Variants in ADAM2 observed in about 807,000 individuals in gnomAD.
ADAM2 encodes the protein disintegrin and metalloproteinase domain-containing protein 2.
In ADAM2, 101 loss-of-function variants were observed where a neutral mutation model predicts 99.3. That is an observed-to-expected ratio of 1.02 (90% CI 0.87 to 1.20). The LOEUF is 1.20. Ranked by LOEUF, ADAM2 falls within the 50% of genes most tolerant of loss-of-function variation. ADAM2 has a pLI of 0.00. For synonymous variants in ADAM2, 323 were observed against 287.6 expected, an observed-to-expected ratio of 1.12 and a Z score of -1.25; for missense variants, 948 against 878.7, an observed-to-expected ratio of 1.08 and a Z score of -1.00.
At chr8:39,785,070 A>T (rs1803405409) in intron 10 of ADAM2, among the ~76,000 whole-genome samples, 1 of 152,116 alleles carries the variant, frequency 6.6e-6, no homozygotes, top group East Asian at 1.9e-4. Flanking sequence ...CTCACTTGTA[A>T]ATTTTTGCTT....
At chr8:39,834,585 A>G (rs2129589451) in intron 2 of ADAM2, among the ~76,000 whole-genome samples, 1 of 152,054 alleles carries the variant, frequency 6.6e-6, no homozygotes, top group South Asian at 2.1e-4. Flanking sequence ...GATGCAAAAA[A>G]TTAGCCGGGC....
chr8:39,745,786 G>A (rs943808064), intron 19 of ADAM2, among the ~76,000 whole-genome samples: 1 of 151,786 alleles, frequency 6.6e-6, no homozygotes, highest in East Asian at 1.9e-4. Context: ...CTAAGATATA[G>A]AAATATTACA....
intron 11 of ADAM2, among the ~76,000 whole-genome samples, chr8:39,773,261 A>G (rs1382141820): frequency 2.0e-5 from 3 of 151,866 alleles, no homozygotes; most frequent in Non-Finnish European, 4.4e-5. Context: ...AAGTATCAAA[A>G]ACGTGTGGTG....
chr8:39,813,111 A>G (rs981515495), intron 6 of ADAM2, among the ~76,000 whole-genome samples: 1 of 152,234 alleles, frequency 6.6e-6, no homozygotes, highest in Non-Finnish European at 1.5e-5. Context: ...TGGGTGAAGG[A>G]TATGAACAGA....
rs115541841 is a variant in ADAM2 at position 39,815,743 on chromosome 8, A to G, written c.513+5259T>C. Among the ~76,000 whole-genome samples, 438 of 152,286 alleles carry G rather than the reference A, an allele frequency of 2.9e-3. 1 individual carries two copies. The highest frequency in any genetic ancestry group is 0.01 in the African/African-American group (418 of 41,564). ...GAATATTTAAATGATAATAATTTTT[A>G]TTTCCAAAAGTGAGGACAGCATAAA... is the stretch of plus-strand genomic sequence containing the variant. On this transcript the variant is annotated intron_variant, in intron 6 of 20. Transcript: ENST00000265708.
chr8:39,797,197 C>T (rs2129586103), intron 7 of ADAM2, among the ~76,000 whole-genome samples: 1 of 152,270 alleles, frequency 6.6e-6, no homozygotes, highest in East Asian at 1.9e-4. Flanking sequence ...ACATTTAAGT[C>T]TTTAATCCAC....
intron 20 of ADAM2, 88 bp from the exon 21 acceptor site, chr8:39,744,152 A>C (rs1330177916): frequency 6.6e-6 from 1 of 152,156 alleles, no homozygotes; most frequent in Non-Finnish European, 1.5e-5. Context: ...CCTTATTGCA[A>C]AGTAGACTTA....
chr8:39,768,113 G>A (rs1005779197), intron 12 of ADAM2, among the ~76,000 whole-genome samples: 4 of 152,054 alleles, frequency 2.6e-5, no homozygotes, highest in African/African-American at 9.7e-5. Context: ...GCTATCTACT[G>A]TAATTCTAGA....
chr8:39,809,430 C>A lies in ADAM2; in HGVS notation c.550G>T (p.Val184Phe). The A allele has an allele frequency of 7.2e-7, 1 of 1,393,450 alleles. No individual in the cohort carries two copies. The highest frequency in any genetic ancestry group is 1.0e-6 in the Non-Finnish European group (1 of 994,660). 86.3% of individuals were successfully genotyped at this position (1,393,450 alleles called of 1,614,324 possible). A position where few individuals can be genotyped will look rare whatever the true frequency, so the allele number is the denominator to read the frequency against. The change falls in exon 7 of 21, where the codon GTT becomes TTT. Residue 184 changes from valine to phenylalanine, a missense_variant. Val to Phe is a conservative substitution (Grantham distance 50). Transcript: ENST00000265708. ...QDFAKYIEMH[V>F]IVEKQLYNHM... ...CTTACCAATTGTTTTTCAACTATAA[C>A]ATGCATTTCTATATACTTTGCAAAA...
chr8:39,803,960 G>A (rs976560966), intron 7 of ADAM2, among the ~76,000 whole-genome samples: 1 of 152,196 alleles, frequency 6.6e-6, no homozygotes, highest in Non-Finnish European at 1.5e-5. Context: ...ACATCCTTAA[G>A]GAGCTGAGTG....
At chr8:39,796,130 GTA>G (rs1803931332) in intron 7 of ADAM2, among the ~76,000 whole-genome samples, 2 of 151,388 alleles carry the variant, frequency 1.3e-5, no homozygotes, top group African/African-American at 4.9e-5. Context: ...TATTACATAG[GTA>G]TATGTGTGCC....
intron 4 of ADAM2, among the ~76,000 whole-genome samples, chr8:39,824,220 T>G (rs906782473): frequency 2.0e-5 from 3 of 149,644 alleles, no homozygotes; most frequent in Admixed American, 2.0e-4. Context: ...GAGGCGGAGG[T>G]TGCGGTGAGC....
chr8:39,749,562 T>G (rs1347609698), intron 17 of ADAM2, 105 bp downstream of exon 17: 3 of 1,407,388 alleles, frequency 2.1e-6, no homozygotes, highest in East Asian at 4.8e-5. Context: ...CCTATATGTT[T>G]TGGTGTGTGT....
intron 19 of ADAM2, 111 bp downstream of exon 19, chr8:39,746,361 T>A (rs1823460996): frequency 1.3e-6 from 1 of 787,536 alleles, no homozygotes; most frequent in East Asian, 3.0e-5. Flanking sequence ...TAAATTCCCA[T>A]ATAAAGACAA....
intron 3 of ADAM2, among the ~76,000 whole-genome samples, chr8:39,829,363 C>T (rs892857424): frequency 6.6e-6 from 1 of 152,026 alleles, no homozygotes; most frequent in Middle Eastern, 3.4e-3. Flanking sequence ...AGGCACTTCA[C>T]AGGGGAGAAA....
At chr8:39,751,840 T>TA (rs1491201576) in intron 16 of ADAM2, among the ~76,000 whole-genome samples, 1 of 141,296 alleles carries the variant, frequency 7.1e-6, no homozygotes, top group East Asian at 2.0e-4. Flanking sequence ...GTACATACTC[T>TA]TTTTTTTTTT....
intron 4 of ADAM2, among the ~76,000 whole-genome samples, 197 bp downstream of exon 4, chr8:39,824,622 C>A (rs906834706): frequency 6.6e-6 from 1 of 152,174 alleles, no homozygotes; most frequent in Non-Finnish European, 1.5e-5. Flanking sequence ...AGAAACACTA[C>A]AATCATGTCT....
At chr8:39,755,139 G>T (rs74983195) in intron 16 of ADAM2, among the ~76,000 whole-genome samples, 2 of 152,046 alleles carry the variant, frequency 1.3e-5, no homozygotes, top group Non-Finnish European at 2.9e-5. Flanking sequence ...GACATTAGAT[G>T]TATTCTCTGT....
At chr8:39,769,298 C>T (rs1802685430) in intron 12 of ADAM2, 94 bp downstream of exon 12, 1 of 954,600 alleles carries the variant, frequency 1.0e-6, no homozygotes, top group Admixed American at 2.4e-5. Flanking sequence ...GAAAATTTAG[C>T]TTGATGAATT....
Sources: allele counts gnomAD v4.1 joint callset (sites outside exome capture counted in the v4.1 genomes callset), GRCh38; gene constraint gnomAD v4.1.1; transcripts MANE v1.5; gene names NCBI Gene and HGNC (gene_info 2026-07-23, HGNC 2026-07-21).